Variants in GRID2 observed in about 807,000 individuals in gnomAD.
GRID2 encodes the protein glutamate ionotropic receptor delta type subunit 2, also known as glutamate receptor ionotropic, delta-2.
In GRID2, 33 loss-of-function variants were observed where a neutral mutation model predicts 114.8. The ratio of observed to expected loss-of-function variants is 0.29; its 90% CI spans 0.22 to 0.38. GRID2 has a LOEUF of 0.38. Ranked by LOEUF, GRID2 falls within the 10% of genes least tolerant of loss-of-function variation. The pLI is 1.00. For synonymous variants in GRID2, 505 were observed against 449.9 expected, an observed-to-expected ratio of 1.12 and a Z score of -1.55; for missense variants, 1,184 against 1,257.7, an observed-to-expected ratio of 0.94 and a Z score of 0.89.
intron 1 of GRID2, among the ~76,000 whole-genome samples, chr4:92,449,676 G>GATATATATATATATATATATATATATAT (rs371209786): frequency 1.0e-5 from 1 of 96,746 alleles, no homozygotes; most frequent in Non-Finnish European, 2.0e-5. Context: ...TTTTCTTACT[G>GATATATATATATATATATATATATATAT]ATATATATAT....
At chr4:92,892,619 C>G (rs1015259335) in intron 2 of GRID2, among the ~76,000 whole-genome samples, 5 of 152,082 alleles carry the variant, frequency 3.3e-5, no homozygotes, top group Admixed American at 2.6e-4. Context: ...AAATATTAGC[C>G]ATCACATTGT....
At chr4:93,560,221 G>GAAAAA in intron 13 of GRID2, among the ~76,000 whole-genome samples, 1 of 7,480 alleles carries the variant, frequency 1.3e-4, no homozygotes. Flanking sequence ...AGAACTTAAA[G>GAAAAA]TAAAAAAAAA....
chr4:93,217,912 C>A (rs917232086), intron 6 of GRID2, among the ~76,000 whole-genome samples: 3 of 151,710 alleles, frequency 2.0e-5, no homozygotes, highest in African/African-American at 7.3e-5. Flanking sequence ...AAAATATTTA[C>A]CATAGGAAAC....
rs142855610 is a variant in GRID2, at chr4:92,632,710, G to A, written c.244+42424G>A. ...GGAAGAAGTGAAGAAAGGGAAGGAA[G>A]GGAAGGAGTGAAGAAAGGGAAGGAA... On this transcript the variant is annotated intron_variant, in intron 2 of 15. Coordinates refer to ENST00000282020, the MANE Select transcript of GRID2 (RefSeq NM_001510.4). 1.3e-3 allele frequency among the ~76,000 whole-genome samples: 196 copies of A among 151,508 alleles called. 1 individual carries two copies. The highest frequency in any genetic ancestry group is 4.5e-3 in the African/African-American group (186 of 41,298).
chr4:93,535,231 TACACACACACACACACAC>T (rs141785727), intron 13 of GRID2, among the ~76,000 whole-genome samples: 3 of 142,184 alleles, frequency 2.1e-5, no homozygotes, highest in South Asian at 4.6e-4. Context: ...CACATACACA[TACACACACACACACACAC>T]ACACACACAC....
At chr4:93,275,687 CATT>C (rs1439025017) in intron 8 of GRID2, among the ~76,000 whole-genome samples, 4 of 151,756 alleles carry the variant, frequency 2.6e-5, no homozygotes, top group Non-Finnish European at 4.4e-5. Flanking sequence ...GGTGATATCT[CATT>C]ATGTTTTTGA....
chr4:92,481,558 G>A (rs546760975), intron 1 of GRID2, among the ~76,000 whole-genome samples: 22 of 152,054 alleles, frequency 1.4e-4, no homozygotes, highest in South Asian at 1.0e-3. Context: ...TGTTCCATTC[G>A]TCTATATGTA....
intron 2 of GRID2, among the ~76,000 whole-genome samples, chr4:92,959,920 A>G (rs954130759): frequency 9.2e-5 from 14 of 151,872 alleles, no homozygotes; most frequent in Non-Finnish European, 2.1e-4. Context: ...TGGGTTGATG[A>G]GTGCATCAAA....
chr4:93,016,768 G>T (rs1440277339), intron 2 of GRID2, among the ~76,000 whole-genome samples: 2 of 152,064 alleles, frequency 1.3e-5, no homozygotes, highest in Admixed American at 6.6e-5. Flanking sequence ...GAAGACAAAT[G>T]CAAGCCATAT....
chr4:93,629,377 AAAG>A (rs1454781318), intron 14 of GRID2, among the ~76,000 whole-genome samples: 1 of 152,214 alleles, frequency 6.6e-6, no homozygotes, highest in African/African-American at 2.4e-5. Context: ...GAGAGCCAGG[AAAG>A]AAGCAGGACC....
intron 1 of GRID2, among the ~76,000 whole-genome samples, chr4:92,541,129 A>T (rs1000933997): frequency 6.7e-6 from 1 of 149,390 alleles, no homozygotes; most frequent in Non-Finnish European, 1.5e-5. Context: ...AACATCACAC[A>T]CTGGGGCCTG....
chr4:92,721,993 C>G (rs1179680927), intron 2 of GRID2, among the ~76,000 whole-genome samples: 1 of 152,056 alleles, frequency 6.6e-6, no homozygotes, highest in East Asian at 1.9e-4. Context: ...AGGTCAGAAC[C>G]TAAGAAAATT....
At chr4:92,480,021 T>C (rs566724299) in intron 1 of GRID2, among the ~76,000 whole-genome samples, 2 of 152,212 alleles carry the variant, frequency 1.3e-5, no homozygotes, top group South Asian at 4.1e-4. Flanking sequence ...GCATAATGAG[T>C]ATTATTATTA....
At chr4:92,960,041 A>G (rs1357302509) in intron 2 of GRID2, among the ~76,000 whole-genome samples, 2 of 151,894 alleles carry the variant, frequency 1.3e-5, no homozygotes, top group Non-Finnish European at 2.9e-5. Flanking sequence ...AAAGGGGTGT[A>G]TTTGTTTAAT....
chr4:93,627,216 T>C (rs114771863), intron 14 of GRID2, among the ~76,000 whole-genome samples: 1,590 of 152,288 alleles, frequency 0.01, 36 homozygotes, highest in African/African-American at 0.037. Context: ...GTACATTTTG[T>C]TTATTTTCTA....
intron 4 of GRID2, chr4:93,166,153 C>G (rs1473157303): frequency 6.6e-6 from 1 of 152,186 alleles, no homozygotes; most frequent in Non-Finnish European, 1.5e-5. Context: ...CATTTAAACA[C>G]TAACATACGT....
Position 92,816,318 on chromosome 4 carries a change from C to CAA in GRID2, c.244+226054_244+226055dup, listed in dbSNP as rs764487348. Among the ~76,000 whole-genome samples, 251 of 48,034 alleles carry CAA rather than the reference C, an allele frequency of 5.2e-3. 5 individuals carry two copies. Among genetic ancestry groups the CAA allele is most frequent in the African/African-American group, 0.017 (209 of 12,358 alleles). 31.5% of individuals were successfully genotyped at this position (48,034 alleles called of 152,430 possible). ...CAACAAGAGTAAATCTCTGTCTCAC[C>CAA]AAAAAAAAAAAAAAAAAAAAAAAGT... On this transcript the variant is annotated intron_variant, in intron 2 of 15. Transcript: ENST00000282020.
intron 2 of GRID2, among the ~76,000 whole-genome samples, chr4:92,654,651 C>G (rs573178024): frequency 6.6e-6 from 1 of 151,756 alleles, no homozygotes; most frequent in African/African-American, 2.4e-5. Flanking sequence ...TTGCATTTCC[C>G]TGATGATTAA....
chr4:93,760,630 A>T (rs1005966815), intron 14 of GRID2, among the ~76,000 whole-genome samples: 2 of 152,220 alleles, frequency 1.3e-5, no homozygotes, highest in African/African-American at 4.8e-5. Flanking sequence ...CAGGTCCAGT[A>T]CTAACACACT....
Sources: allele counts gnomAD v4.1 joint callset (sites outside exome capture counted in the v4.1 genomes callset), GRCh38; gene constraint gnomAD v4.1.1; transcripts MANE v1.5; gene names NCBI Gene and HGNC (gene_info 2026-07-23, HGNC 2026-07-21).